Variants in USH2A observed in about 807,000 individuals in gnomAD.
USH2A encodes usherin, also known as Usher syndrome 2A (autosomal recessive, mild).
Under a neutral mutation model 538.9 loss-of-function variants are expected in USH2A, and 443 were observed. That is an observed-to-expected ratio of 0.82 (90% CI 0.76 to 0.89). The LOEUF (loss-of-function observed/expected upper bound fraction) is 0.89, where lower values mean the gene tolerates loss of function less well. USH2A is among the 40% of genes least tolerant of loss of function. USH2A has a pLI of 0.00. For synonymous variants in USH2A, 2,413 were observed against 2,273.5 expected (o/e 1.06, Z -1.75); for missense variants, 6,633 against 6,324.8 (o/e 1.05, Z -1.65).
intron 2 of USH2A, among the ~76,000 whole-genome samples, chr1:216,421,247 C>T (rs2039670823): frequency 1.3e-5 from 2 of 152,100 alleles, no homozygotes; most frequent in Admixed American, 1.3e-4. Context: ...CACTTACCTA[C>T]ATATTTCCTA....
At chr1:216,337,643 T>C (rs927545670) in intron 4 of USH2A, among the ~76,000 whole-genome samples, 13 of 151,298 alleles carry the variant, frequency 8.6e-5, no homozygotes, top group Non-Finnish European at 1.5e-4. Flanking sequence ...CACTGCTTTT[T>C]TTTCCAAGAT....
intron 14 of USH2A, among the ~76,000 whole-genome samples, chr1:216,227,806 G>A (rs1250480397): frequency 1.3e-5 from 2 of 152,086 alleles, no homozygotes; most frequent in African/African-American, 4.8e-5. Flanking sequence ...GTTTAAAGGG[G>A]GAAAGAAAGT....
At chr1:216,296,115 C>G (rs1223798869) in intron 9 of USH2A, among the ~76,000 whole-genome samples, 1 of 151,816 alleles carries the variant, frequency 6.6e-6, no homozygotes, top group African/African-American at 2.4e-5. Flanking sequence ...GTTTTTTCTA[C>G]TTAGCTGGGG....
chr1:215,774,634 A>T (rs1030126708), intron 55 of USH2A, among the ~76,000 whole-genome samples: 2 of 152,048 alleles, frequency 1.3e-5, no homozygotes, highest in Non-Finnish European at 2.9e-5. Context: ...TTCTTCTCTA[A>T]AAACAAAATG....
chr1:215,809,839 T>A (rs1295909952), intron 49 of USH2A, among the ~76,000 whole-genome samples: 1 of 152,190 alleles, frequency 6.6e-6, no homozygotes, highest in Non-Finnish European at 1.5e-5. Context: ...TCAAAATGCC[T>A]ATACCCATCT....
At chr1:216,204,831 A>G (rs2035077199) in intron 16 of USH2A, among the ~76,000 whole-genome samples, 1 of 152,198 alleles carries the variant, frequency 6.6e-6, no homozygotes, top group African/African-American at 2.4e-5. Context: ...TTCAAATGCC[A>G]TCATGCAGAT....
chr1:216,366,550 GT>G (rs2038600530), intron 3 of USH2A, among the ~76,000 whole-genome samples: 1 of 151,914 alleles, frequency 6.6e-6, no homozygotes, highest in Non-Finnish European at 1.5e-5. Flanking sequence ...TTAAAATCAT[GT>G]GTACTATTGC....
At position 216,412,919 on chromosome 1, in the gene USH2A, C is replaced by A. The variant is rs573474265; in HGVS notation, c.651+5595G>T. Among the ~76,000 whole-genome samples the A allele has an allele frequency of 2.0e-5, 3 of 152,060 alleles. No individual in the cohort carries two copies. In the South Asian group the frequency reaches 6.2e-4, roughly 32 times the overall value. ...CAGTGGCACAGAGCTATTATTAACA[C>A]TATATTAAACATGTTACAAGCATGT... On this transcript the variant is annotated intron_variant, in intron 3 of 71. Coordinates refer to ENST00000307340, the MANE Select transcript of USH2A (RefSeq NM_206933.4).
chr1:216,328,379 C>T (rs2037778705), intron 4 of USH2A, among the ~76,000 whole-genome samples: 1 of 151,986 alleles, frequency 6.6e-6, no homozygotes, highest in Non-Finnish European at 1.5e-5. Flanking sequence ...AATATTTTTT[C>T]AGAACTTACT....
chr1:215,697,881 GGTTT>G (rs932446492), intron 61 of USH2A, among the ~76,000 whole-genome samples: 50 of 152,242 alleles, frequency 3.3e-4, no homozygotes, highest in African/African-American at 1.1e-3. Flanking sequence ...AGAACATGCA[GGTTT>G]GTTACATAGG....
Position 216,078,355 on chromosome 1 carries a change from A to G in USH2A, c.5306T>C (p.Leu1769Pro), listed in dbSNP as rs2102554586. 1.2e-6 allele frequency: 2 copies of G among 1,613,490 alleles called. No homozygotes were observed. The highest frequency in any genetic ancestry group is 1.7e-6 in the Non-Finnish European group (2 of 1,179,554). ...CCGGAAGGTCAATATTCCACTTTTC[A>G]GCTCCATCTGTATTTTATATTAAAA... ...KDGPDFLAMELKSGILTFRLN... is the reference protein window; with the variant it reads ...KDGPDFLAMEPKSGILTFRLN... Residue 1769 changes from leucine (L) to proline (P), a missense_variant, in exon 27 of 72, where the codon CTG (leucine) becomes CCG (proline). Coordinates refer to ENST00000307340, the MANE Select transcript of USH2A (RefSeq NM_206933.4).
chr1:215,934,624 G>A lies in USH2A; in HGVS notation c.7292C>T (p.Pro2431Leu). 6.2e-7 allele frequency: 1 copy of A among 1,612,052 alleles called. No individual in the cohort carries two copies. Among genetic ancestry groups the A allele is most frequent in the East Asian group, 2.2e-5 (1 of 44,808 alleles). Residue 2431 changes from proline (P) to leucine (L), a missense_variant, in exon 38 of 72, where the codon CCT becomes CTT. Physicochemically the swap from Pro to Leu is moderately conservative, Grantham distance 98. Coordinates refer to ENST00000307340, the MANE Select transcript of USH2A (RefSeq NM_206933.4). ...LITDPITIAM[P>L]PGAPDGVLPP... ...CATTTGCATAGACTTACCTCCTGGA[G>A]GCATTGCAATTGTTATAGGATCAGT...
chr1:215,921,782 C>A (rs1341616423), intron 38 of USH2A, among the ~76,000 whole-genome samples: 1 of 151,986 alleles, frequency 6.6e-6, no homozygotes, highest in Non-Finnish European at 1.5e-5. Context: ...TCTTCAACTT[C>A]CTTATGTGTA....
intron 4 of USH2A, among the ~76,000 whole-genome samples, chr1:216,354,311 A>C (rs938397448): frequency 5.3e-5 from 8 of 152,196 alleles, no homozygotes; most frequent in Non-Finnish European, 8.8e-5. Context: ...TCTTTTACGC[A>C]AAGTGTTTAT....
At chr1:216,087,672 G>A (rs948595923) in intron 23 of USH2A, among the ~76,000 whole-genome samples, 1 of 152,068 alleles carries the variant, frequency 6.6e-6, no homozygotes, top group Non-Finnish European at 1.5e-5. Context: ...CATGGTGATA[G>A]TTTACCAACC....
chr1:215,689,081 T>A (rs1017856594), intron 61 of USH2A, among the ~76,000 whole-genome samples: 1 of 150,714 alleles, frequency 6.6e-6, no homozygotes, highest in Non-Finnish European at 1.5e-5. Context: ...TTTTTCTTCT[T>A]GAGAGAAAGG....
At chr1:216,251,589 T>G (rs970132489) in intron 11 of USH2A, among the ~76,000 whole-genome samples, 1 of 151,796 alleles carries the variant, frequency 6.6e-6, no homozygotes, top group Non-Finnish European at 1.5e-5. Flanking sequence ...TAGCTGGGAC[T>G]ACAGGCGCCC....
Position 216,070,281 on chromosome 1 carries a change from C to T in USH2A, c.5869G>A (p.Val1957Met). 1.2e-6 allele frequency: 2 copies of T among 1,613,900 alleles called. No homozygotes were observed. The highest frequency in any genetic ancestry group is 1.7e-6 in the Non-Finnish European group (2 of 1,179,852). The change falls in exon 30 of 72, where the codon GTG (valine) becomes ATG (methionine). Residue 1957 changes from valine to methionine, a missense_variant. Val to Met is a conservative substitution (Grantham distance 21). Coordinates refer to ENST00000307340, the MANE Select transcript of USH2A (RefSeq NM_206933.4). ...CTGCGGACTCTTGAGGGAGTTGGCA[C>T]ACTTTGTGGAGCTGTGAAGGAATAA... ...GRTTGAAPQS[V>M]PTPSRVRSLN...
chr1:216,058,863 A>T (rs2031076054), intron 30 of USH2A, among the ~76,000 whole-genome samples: 1 of 152,202 alleles, frequency 6.6e-6, no homozygotes, highest in Non-Finnish European at 1.5e-5. Flanking sequence ...TTCTTTTAAG[A>T]TAAGTATATT....
Sources: gnomAD v4.1 joint callset for allele counts (sites outside exome capture counted in the v4.1 genomes callset) on GRCh38, gnomAD v4.1.1 for gene constraint, MANE v1.5 for transcripts, NCBI Gene and HGNC (gene_info 2026-07-23, HGNC 2026-07-21) for gene names.